The following HYDIN variants were observed in gnomAD, a reference collection of about 807,000 sequenced individuals.
The protein encoded by HYDIN is axonemal central pair apparatus protein HYDIN.
In HYDIN, 132 loss-of-function variants were observed where a neutral mutation model predicts 403.9. That is an observed-to-expected ratio of 0.33 (90% CI 0.28 to 0.38). The LOEUF (loss-of-function observed/expected upper bound fraction) is 0.38, where lower values mean the gene tolerates loss of function less well. Among genes scored for constraint, HYDIN ranks in the 10% least tolerant of loss-of-function variants. The pLI is 1.00. For synonymous variants in HYDIN, 1,202 were observed against 1,891.7 expected (o/e 0.64, Z 9.46); for missense variants, 2,827 against 5,009.5 (o/e 0.56, Z 13.15).
At chr16:70,810,991 G>C (rs1477406947) in intron 84 of HYDIN, among the ~76,000 whole-genome samples, 2 of 152,196 alleles carry the variant, frequency 1.3e-5, no homozygotes, top group African/African-American at 4.8e-5. Flanking sequence ...GAGACTGTAA[G>C]AATATATACC....
At chr16:71,073,601 T>A (rs1012721350) in intron 13 of HYDIN, among the ~76,000 whole-genome samples, 2 of 152,158 alleles carry the variant, frequency 1.3e-5, no homozygotes, top group Non-Finnish European at 2.9e-5. Flanking sequence ...AACTTCTCTG[T>A]CCACATTATT....
In HYDIN at chr16:70,857,627, C is replaced by T. The variant is rs1597138849; in HGVS notation, c.12295+78G>A. ...AAGGGACCAGGAGAGGTTTCTTATG[C>T]AAGGCTGCTCCCAGAGCTCTTGATG... On this transcript the variant is annotated intron_variant, in intron 72 of 85. Coordinates refer to ENST00000393567, the MANE Select transcript of HYDIN (RefSeq NM_001270974.2). 7.7e-6 allele frequency: 9 copies of T among 1,168,312 alleles called. No homozygotes were observed. In the East Asian group the frequency reaches 2.3e-4, roughly 30 times the overall value. 72.4% of individuals were successfully genotyped at this position (1,168,312 alleles called of 1,614,324 possible). A position where few individuals can be genotyped will look rare whatever the true frequency, so the allele number is the denominator to read the frequency against.
intron 6 of HYDIN, among the ~76,000 whole-genome samples, chr16:71,158,679 GTTTTTTTTTTT>G (rs10615981): frequency 1.7e-5 from 2 of 117,290 alleles, no homozygotes; most frequent in African/African-American, 6.4e-5. Flanking sequence ...GAAAAAGATG[GTTTTTTTTTTT>G]TTTTTTTTTG....
chr16:71,124,484 A>C lies in HYDIN; in HGVS notation c.1227+5156T>G, dbSNP rs1216690125. ...TGCTTTAAATTGAAAGAGCCTCTGA[A>C]ACAGGAACAATGCTTCCATAAAATA... On this transcript the variant is annotated intron_variant, in intron 9 of 85. Coordinates refer to ENST00000393567, the MANE Select transcript of HYDIN (RefSeq NM_001270974.2). Among the ~76,000 whole-genome samples the C allele has an allele frequency of 5.9e-5, 9 of 151,790 alleles. No individual in the cohort carries two copies. The East Asian group carries it at 1.8e-3, about 30-fold the overall frequency.
rs1443529624 is a variant in HYDIN, at chr16:70,920,870, C to T, written c.7506G>A (p.Leu2502=). ...GGTCCTTGCGGCCCCTGCGCCCACC[C>T]AAGGGGACCTGGCGCTGGTCGTCGG... The part of the protein sequence containing the change: ...HEPDDQRQVP[L]GGRRGRKDRE... The change falls in exon 46 of 86, where the codon TTG becomes TTA. Residue 2502 remains leucine (L), a synonymous_variant. Transcript: ENST00000393567. The T allele has an allele frequency of 1.2e-6, 2 of 1,606,654 alleles. No individual in the cohort carries two copies. The highest frequency in any genetic ancestry group is 1.7e-6 in the Non-Finnish European group (2 of 1,176,160).
In HYDIN at chr16:70,959,630, T is replaced by A; in HGVS notation, c.6142+17A>T. The A allele has an allele frequency of 1.7e-6, 2 of 1,207,840 alleles. 1 individual carries two copies. The highest frequency in any genetic ancestry group is 2.2e-6 in the Non-Finnish European group (2 of 922,108). The allele number at this position is 1,207,840 out of a possible 1,614,324, so 74.8% of individuals were successfully genotyped here. On this transcript the variant is annotated intron_variant, in intron 39 of 85. Transcript: ENST00000393567. ...TGGCACTGCTGGTCTTAACCTCCCC[T>A]CAGAACTGTTGCCTACCTGACAAGG...
intron 83 of HYDIN, among the ~76,000 whole-genome samples, chr16:70,819,786 C>T (rs1209378761): frequency 1.3e-5 from 2 of 151,460 alleles, no homozygotes; most frequent in South Asian, 2.1e-4. Flanking sequence ...CTTTCAACTT[C>T]TTTGTGTCTT....
At chr16:70,902,045 C>T (rs985729927) in intron 52 of HYDIN, among the ~76,000 whole-genome samples, 2 of 151,386 alleles carry the variant, frequency 1.3e-5, no homozygotes, top group African/African-American at 2.4e-5. Context: ...CCAGTTCAAA[C>T]CTGCATTGTT....
chr16:70,820,761 G>C (rs1229625253), intron 83 of HYDIN, among the ~76,000 whole-genome samples: 1 of 151,632 alleles, frequency 6.6e-6, no homozygotes, highest in Non-Finnish European at 1.5e-5. Context: ...TGACTCTCCA[G>C]CCTCAGCCTC....
At chr16:70,854,128 C>T (rs1211511327) in intron 73 of HYDIN, among the ~76,000 whole-genome samples, 1 of 151,972 alleles carries the variant, frequency 6.6e-6, no homozygotes, top group Non-Finnish European at 1.5e-5. Context: ...GATCCACCCG[C>T]CTTGACCTCC....
intron 1 of HYDIN, among the ~76,000 whole-genome samples, chr16:71,210,328 A>G (rs1455718635): frequency 6.6e-6 from 1 of 152,256 alleles, no homozygotes; most frequent in Non-Finnish European, 1.5e-5. Flanking sequence ...CCATGCAGCC[A>G]TAAAAAAGAA....
At chr16:71,220,973 A>G (rs1170125969) in intron 1 of HYDIN, among the ~76,000 whole-genome samples, 1 of 152,202 alleles carries the variant, frequency 6.6e-6, no homozygotes, top group Non-Finnish European at 1.5e-5. Flanking sequence ...CCAACATCTA[A>G]CTGAAAACAG....
chr16:71,163,964 C>T (rs2086118885), intron 5 of HYDIN, among the ~76,000 whole-genome samples: 1 of 151,154 alleles, frequency 6.6e-6, no homozygotes, highest in African/African-American at 2.4e-5. Flanking sequence ...AGGCCCTAGG[C>T]ATCTCTCTTC....
chr16:70,886,961 C>G (rs2041176864), intron 58 of HYDIN, among the ~76,000 whole-genome samples: 1 of 152,032 alleles, frequency 6.6e-6, no homozygotes, highest in Non-Finnish European at 1.5e-5. Context: ...AGTTTTCTGT[C>G]ATTATTCCTT....
At chr16:70,815,771 A>AT (rs1446849607) in intron 84 of HYDIN, among the ~76,000 whole-genome samples, 2 of 140,144 alleles carry the variant, frequency 1.4e-5, no homozygotes, top group African/African-American at 5.4e-5. Flanking sequence ...CTCTTAACTG[A>AT]TAAAAAAAAA....
intron 47 of HYDIN, among the ~76,000 whole-genome samples, chr16:70,915,989 C>G (rs924601830): frequency 2.6e-5 from 4 of 152,266 alleles, no homozygotes; most frequent in African/African-American, 9.6e-5. Context: ...CTTACTCCCA[C>G]CATGCCCCCA....
chr16:71,070,235 T>A (rs1333058341), intron 13 of HYDIN, among the ~76,000 whole-genome samples: 2 of 118,584 alleles, frequency 1.7e-5, no homozygotes, highest in African/African-American at 8.2e-5. Flanking sequence ...AAGCTCTGAT[T>A]TTCTTTCTTT....
chr16:71,153,260 T>A (rs12103392), intron 6 of HYDIN, among the ~76,000 whole-genome samples: 2 of 152,100 alleles, frequency 1.3e-5, no homozygotes, highest in African/African-American at 4.8e-5. Flanking sequence ...GAGGGCATCA[T>A]AGTGGAAAAA....
intron 18 of HYDIN, among the ~76,000 whole-genome samples, chr16:71,051,660 C>CAAAAAAAA (rs1219589325): frequency 1.1e-5 from 1 of 90,344 alleles, no homozygotes; most frequent in Non-Finnish European, 2.5e-5. Context: ...AAAAAAAAAA[C>CAAAAAAAA]AAAAAAAACA....
Sources: allele counts gnomAD v4.1 joint callset (sites outside exome capture counted in the v4.1 genomes callset), GRCh38; gene constraint gnomAD v4.1.1; transcripts MANE v1.5; gene names NCBI Gene and HGNC (gene_info 2026-07-23, HGNC 2026-07-21).